FMN1: variants seen among roughly 807,000 people sequenced by gnomAD.
FMN1 encodes the protein formin 1.
Under a neutral mutation model 132.4 loss-of-function variants are expected in FMN1, and 110 were observed. The ratio of observed to expected loss-of-function variants is 0.83; its 90% confidence interval spans 0.71 to 0.97. FMN1 has a LOEUF of 0.97. Among genes scored for constraint, FMN1 ranks in the 50% least tolerant of loss-of-function variants. The probability of loss-of-function intolerance (pLI) is 0.00; values close to 1 mark genes in which losing one functional copy is unlikely to be tolerated. For synonymous variants in FMN1, 722 were observed against 651.7 expected (o/e 1.11, Z -1.64); for missense variants, 1,792 against 1,705.3 (o/e 1.05, Z -0.90).
chr15:33,124,133 A>G (rs1164984993), intron 4 of FMN1, among the ~76,000 whole-genome samples: 3 of 152,252 alleles, frequency 2.0e-5, no homozygotes, highest in African/African-American at 7.2e-5. Flanking sequence ...GTTGAGGATC[A>G]TCTCTAGATC....
intron 4 of FMN1, among the ~76,000 whole-genome samples, chr15:33,123,591 G>C (rs932196771): frequency 3.3e-5 from 5 of 152,108 alleles, no homozygotes; most frequent in Non-Finnish European, 7.3e-5. Flanking sequence ...CTAACATATG[G>C]TATGGGGGTA....
At chr15:33,014,142 A>G (rs1318175631) in intron 6 of FMN1, among the ~76,000 whole-genome samples, 1 of 152,262 alleles carries the variant, frequency 6.6e-6, no homozygotes, top group Non-Finnish European at 1.5e-5. Context: ...TAATGCCTTT[A>G]CTACTGGCAT....
At chr15:33,035,578 TCC>T (rs1158755400) in intron 6 of FMN1, among the ~76,000 whole-genome samples, 15 of 152,078 alleles carry the variant, frequency 9.9e-5, no homozygotes, top group African/African-American at 3.6e-4. Flanking sequence ...CCCTTACCTC[TCC>T]CTCTTTTCTT....
chr15:33,043,436 C>T (rs924226602), intron 6 of FMN1, among the ~76,000 whole-genome samples: 10 of 152,214 alleles, frequency 6.6e-5, no homozygotes, highest in African/African-American at 2.2e-4. Flanking sequence ...ACTTCCATTT[C>T]CTGTACATCA....
chr15:32,930,865 T>G (rs2061098220), intron 9 of FMN1, among the ~76,000 whole-genome samples: 1 of 152,214 alleles, frequency 6.6e-6, no homozygotes, highest in Non-Finnish European at 1.5e-5. Flanking sequence ...AGTTGATTTT[T>G]GTATATGTTC....
At chr15:32,850,912 A>C (rs1167224258) in intron 17 of FMN1, among the ~76,000 whole-genome samples, 1 of 152,098 alleles carries the variant, frequency 6.6e-6, no homozygotes, top group Non-Finnish European at 1.5e-5. Context: ...TCTCTAATCT[A>C]GCCAGGCGTG....
At chr15:32,811,089 C>T (rs759057329) in intron 17 of FMN1, 17 of 456,666 alleles carry the variant, frequency 3.7e-5, no homozygotes, top group East Asian at 6.9e-5. Context: ...AGGCACAGCA[C>T]GCTGACATCG....
intron 4 of FMN1, among the ~76,000 whole-genome samples, chr15:33,115,202 G>T (rs796780192): frequency 2.4e-4 from 37 of 152,260 alleles, no homozygotes; most frequent in African/African-American, 7.7e-4. Flanking sequence ...AGTGTTAAAA[G>T]GAGAGTACTT....
rs2056041039 is a variant in FMN1 at position 32,766,229 on chromosome 15, G to A, written c.*8081C>T. ...TTTAAGTGCTTTCAAGAGTGTAGCAGTTACTGTTCATCTGAAAATAACCAA... is the reference window on the plus strand; with the variant it reads ...TTTAAGTGCTTTCAAGAGTGTAGCAATTACTGTTCATCTGAAAATAACCAA... On this transcript the variant is annotated 3_prime_UTR_variant, in exon 21 of 21. Coordinates refer to ENST00000616417, the MANE Select transcript of FMN1 (RefSeq NM_001277313.2). 1 of 152,206 alleles carries A rather than the reference G, an allele frequency of 6.6e-6. No homozygotes were observed. The highest frequency in any genetic ancestry group is 6.5e-5 in the Admixed American group (1 of 15,278). 9.4% of individuals were successfully genotyped at this position (152,206 alleles called of 1,614,324 possible). A position where few individuals can be genotyped will look rare whatever the true frequency, so the allele number is the denominator to read the frequency against.
At chr15:32,891,380 T>C (rs896465325) in intron 15 of FMN1, among the ~76,000 whole-genome samples, 1 of 152,206 alleles carries the variant, frequency 6.6e-6, no homozygotes, top group Non-Finnish European at 1.5e-5. Flanking sequence ...CCCAAGCAGC[T>C]GGGACCACAG....
At position 33,154,852 on chromosome 15, in the gene FMN1, G is replaced by C; in HGVS notation, c.63C>G (p.Ser21Arg). 1 of 1,536,270 alleles carries C rather than the reference G, an allele frequency of 6.5e-7. No homozygotes were observed. Among genetic ancestry groups the C allele is most frequent in the Non-Finnish European group, 8.7e-7 (1 of 1,146,936 alleles). The change falls in exon 4 of 21, where the codon AGC becomes AGG. Residue 21 changes from serine (S) to arginine (R), a missense_variant. Coordinates refer to ENST00000616417, the MANE Select transcript of FMN1 (RefSeq NM_001277313.2). ...TGACTTCCCCCTTTGGAAGACAGAA[G>C]CTGATGTAGCAGAGTTCCGTAATGG... ...HKPITELCYI[S>R]FCLPKGEVRG...
intron 6 of FMN1, among the ~76,000 whole-genome samples, chr15:33,017,465 C>T (rs1307789352): frequency 1.3e-5 from 2 of 151,942 alleles, no homozygotes; most frequent in Admixed American, 1.3e-4. Context: ...TAAAACTACT[C>T]TAAAAATAGT....
chr15:33,064,792 T>C (rs1377900858), intron 6 of FMN1, 165 bp downstream of exon 6: 2 of 485,958 alleles, frequency 4.1e-6, no homozygotes, highest in Non-Finnish European at 7.3e-6. Context: ...TCGTTAACAA[T>C]AAGTGTGCAA....
chr15:32,909,935 G>T (rs1038083156), intron 11 of FMN1, among the ~76,000 whole-genome samples: 1 of 151,710 alleles, frequency 6.6e-6, no homozygotes, highest in African/African-American at 2.4e-5. Flanking sequence ...TGATCACAAC[G>T]GGATTAAGAA....
At chr15:32,954,836 T>TC (rs2061729544) in intron 9 of FMN1, among the ~76,000 whole-genome samples, 1 of 152,164 alleles carries the variant, frequency 6.6e-6, no homozygotes. Context: ...TGAAACCCCA[T>TC]CTCTACTAAA....
At chr15:33,062,184 G>A (rs1433556257) in intron 6 of FMN1, among the ~76,000 whole-genome samples, 3 of 151,954 alleles carry the variant, frequency 2.0e-5, no homozygotes, top group African/African-American at 7.3e-5. Context: ...CCTTAAAAAG[G>A]CATATACTCT....
chr15:32,995,453 T>G (rs1035000517), intron 7 of FMN1, among the ~76,000 whole-genome samples: 1 of 152,222 alleles, frequency 6.6e-6, no homozygotes, highest in African/African-American at 2.4e-5. Flanking sequence ...CTTTATGGTA[T>G]AAATTCTGTT....
At chr15:32,878,408 G>C (rs555743138) in intron 16 of FMN1, among the ~76,000 whole-genome samples, 1 of 152,202 alleles carries the variant, frequency 6.6e-6, no homozygotes, top group Non-Finnish European at 1.5e-5. Context: ...GGAAGACCAA[G>C]AGTGGAAGCA....
intron 5 of FMN1, among the ~76,000 whole-genome samples, chr15:33,071,414 TAAG>T (rs1489487350): frequency 2.6e-5 from 4 of 152,218 alleles, no homozygotes; most frequent in African/African-American, 7.2e-5. Context: ...TGACTTCTAT[TAAG>T]AAGACTTCTT....
Sources: allele counts gnomAD v4.1 joint callset (sites outside exome capture counted in the v4.1 genomes callset), GRCh38; gene constraint gnomAD v4.1.1; transcripts MANE v1.5; gene names NCBI Gene and HGNC (gene_info 2026-07-23, HGNC 2026-07-21).